PKD1L1: variants seen among roughly 807,000 people sequenced by gnomAD.
The protein encoded by PKD1L1 is polycystin-1-like protein 1.
In PKD1L1, 236 loss-of-function variants were observed where a neutral mutation model predicts 323.4. That is an observed-to-expected ratio of 0.73 (90% CI 0.66 to 0.81). PKD1L1 has a LOEUF of 0.81. Among genes scored for constraint, PKD1L1 ranks in the 40% least tolerant of loss-of-function variants. PKD1L1 has a pLI of 0.00. For synonymous variants in PKD1L1, 1,344 were observed against 1,335.0 expected, an observed-to-expected ratio of 1.01 and a Z score of -0.15; for missense variants, 3,320 against 3,508.0, an observed-to-expected ratio of 0.95 and a Z score of 1.35.
At chr7:47,834,920 A>G in intron 39 of PKD1L1, 47 bp downstream of exon 39, 1 of 1,542,178 alleles carries the variant, frequency 6.5e-7, no homozygotes, top group Non-Finnish European at 8.9e-7. Context: ...TTGGTGCAAA[A>G]GGCTCAGCCC....
chr7:47,875,563 T>C (rs958583508), intron 23 of PKD1L1, among the ~76,000 whole-genome samples: 1 of 152,244 alleles, frequency 6.6e-6, no homozygotes, highest in Non-Finnish European at 1.5e-5. Context: ...TGCATGTCTC[T>C]TATGCTCAGT....
chr7:47,775,732 C>T (rs1174119250), intron 56 of PKD1L1, among the ~76,000 whole-genome samples: 2 of 147,434 alleles, frequency 1.4e-5, no homozygotes, highest in Non-Finnish European at 3.0e-5. Context: ...AAAAGAAAAA[C>T]AACTTAAACT....
At chr7:47,785,296 C>A (rs4724642) in intron 56 of PKD1L1, among the ~76,000 whole-genome samples, 1 of 151,956 alleles carries the variant, frequency 6.6e-6, no homozygotes, top group Non-Finnish European at 1.5e-5. Context: ...GAGATTTGTA[C>A]TTTCCAAGTT....
intron 55 of PKD1L1, among the ~76,000 whole-genome samples, chr7:47,793,018 T>C (rs1786987039): frequency 6.8e-6 from 1 of 147,126 alleles, no homozygotes; most frequent in African/African-American, 2.5e-5. Flanking sequence ...CAGATATACA[T>C]GTAAATGCTA....
rs145728644 is a variant in PKD1L1, at chr7:47,885,402, C to T, written c.3205+284G>A. Among the ~76,000 whole-genome samples, 728 of 152,222 alleles carry T rather than the reference C, an allele frequency of 4.8e-3. 3 individuals are homozygous for T. The highest frequency in any genetic ancestry group is 0.015 in the African/African-American group (641 of 41,516). On this transcript the variant is annotated intron_variant, in intron 18 of 56. Coordinates refer to ENST00000289672, the MANE Select transcript of PKD1L1 (RefSeq NM_138295.5). ...GGGCAGGGGAGAAGGATTAGGAAGC[C>T]GGTGTGGAGTAAACAACTACTGTAG... is the stretch of plus-strand genomic sequence containing the variant.
intron 26 of PKD1L1, among the ~76,000 whole-genome samples, chr7:47,862,705 C>T (rs1546739): frequency 0.97 from 148,239 of 152,276 alleles, 72,262 homozygotes; most frequent in East Asian, 1. Context: ...CAATGAAGGG[C>T]CAGCTATTTG....
At chr7:47,868,830 A>T (rs1439748328) in intron 24 of PKD1L1, among the ~76,000 whole-genome samples, 4 of 152,148 alleles carry the variant, frequency 2.6e-5, no homozygotes, top group African/African-American at 9.7e-5. Context: ...AGCCGAGATC[A>T]CGGCACTGCA....
chr7:47,849,173 C>T (rs866704935), intron 31 of PKD1L1, among the ~76,000 whole-genome samples: 1 of 152,186 alleles, frequency 6.6e-6, no homozygotes, highest in African/African-American at 2.4e-5. Flanking sequence ...GGATCCTCAT[C>T]TCTCATTTTA....
chr7:47,819,139 G>C (rs976625935), intron 46 of PKD1L1, among the ~76,000 whole-genome samples: 4 of 152,102 alleles, frequency 2.6e-5, no homozygotes, highest in African/African-American at 9.7e-5. Flanking sequence ...GGGGTGAGAC[G>C]GAGAGGGTCC....
chr7:47,789,217 T>C (rs935152009), intron 56 of PKD1L1, among the ~76,000 whole-genome samples: 2 of 152,226 alleles, frequency 1.3e-5, no homozygotes, highest in African/African-American at 4.8e-5. Context: ...TGTGAAACCA[T>C]CTGGGACTGG....
Position 47,840,350 on chromosome 7 carries a change from A to G in PKD1L1, c.5552+111T>C. The G allele has an allele frequency of 1.4e-6, 1 of 692,520 alleles. No homozygotes were observed. The allele number at this position is 692,520 out of a possible 1,614,324, so 42.9% of individuals were successfully genotyped here. On this transcript the variant is annotated intron_variant, in intron 35 of 56. Transcript: ENST00000289672. This position sits in a 1 kb window ranked among gnomAD's most constrained non-coding sequence, Gnocchi z 4.1. Reference sequence around the variant, plus strand: ...ATTGTTTGTATATAAATCGATGCTCACTATTAGAGACCAATGTTATGTATT... The same window carrying G: ...ATTGTTTGTATATAAATCGATGCTCGCTATTAGAGACCAATGTTATGTATT...
Position 47,774,988 on chromosome 7 carries a change from T to C in PKD1L1, c.*155A>G. The C allele has an allele frequency of 1.4e-6, 1 of 739,162 alleles. No homozygotes were observed. The highest frequency in any genetic ancestry group is 2.3e-6 in the Non-Finnish European group (1 of 430,006). 45.8% of individuals were successfully genotyped at this position (739,162 alleles called of 1,614,324 possible). On this transcript the variant is annotated 3_prime_UTR_variant, in exon 57 of 57. Coordinates refer to ENST00000289672, the MANE Select transcript of PKD1L1 (RefSeq NM_138295.5). ...GATAAACCTTGATTTTCATCCTGGTTTCCCATTTACTTGTTACGTGAACTG... is the reference window on the plus strand; with the variant it reads ...GATAAACCTTGATTTTCATCCTGGTCTCCCATTTACTTGTTACGTGAACTG...
chr7:47,881,204 T>A (rs1786546603), intron 20 of PKD1L1, among the ~76,000 whole-genome samples: 1 of 152,132 alleles, frequency 6.6e-6, no homozygotes, highest in Non-Finnish European at 1.5e-5. Context: ...TTATGGACAA[T>A]TTTTAACCTG....
At position 47,839,503 on chromosome 7, in the gene PKD1L1, A is replaced by G. The variant is rs571253491; in HGVS notation, c.5712T>C (p.His1904=). 4 of 1,612,304 alleles carry G rather than the reference A, an allele frequency of 2.5e-6. No homozygotes were observed. Among genetic ancestry groups the G allele is most frequent in the Non-Finnish European group, 3.4e-6 (4 of 1,179,726 alleles). ...TGAGCTCCCGCTCCACGCGACCATC[A>G]TGCCTGCCGGCAGACAGCCAGCACT... ...PAQCWLSAGR[H]DGRVERELTC... The change falls in exon 36 of 57, where the codon CAT becomes CAC. Residue 1904 remains histidine (H), a synonymous_variant. Transcript: ENST00000289672. The surrounding 1 kb of genome is among the most constrained non-coding windows in gnomAD (Gnocchi z 4.3).
chr7:47,944,794 G>T (rs1216941080), intron 1 of PKD1L1, among the ~76,000 whole-genome samples: 1 of 152,204 alleles, frequency 6.6e-6, no homozygotes, highest in Non-Finnish European at 1.5e-5. Flanking sequence ...CTTTCAGCCT[G>T]TAGCTCCTTG....
At chr7:47,953,578 T>C in the PKD1L1 span, among the ~76,000 whole-genome samples, 3 of 152,218 alleles carry the variant, frequency 2.0e-5, no homozygotes, top group Non-Finnish European at 4.4e-5. Flanking sequence ...ACCTGTCCAG[T>C]GTGAAGGGAG....
chr7:47,879,054 C>T (rs975280419), intron 21 of PKD1L1, among the ~76,000 whole-genome samples: 2 of 152,216 alleles, frequency 1.3e-5, no homozygotes, highest in African/African-American at 4.8e-5. Context: ...TTTGTTGAAA[C>T]AAAAGCAAAC....
At position 47,802,307 on chromosome 7, in the gene PKD1L1, C is replaced by T. The variant is rs117505805; in HGVS notation, c.7962+903G>A. ...AATCTCAAAGGCCAGTAGTAACCTTCGGGGCAAATGTCGTTAATGCTTTTT... is the reference window on the plus strand; with the variant it reads ...AATCTCAAAGGCCAGTAGTAACCTTTGGGGCAAATGTCGTTAATGCTTTTT... On this transcript the variant is annotated intron_variant, in intron 53 of 56. Coordinates refer to ENST00000289672, the MANE Select transcript of PKD1L1 (RefSeq NM_138295.5). 1.1e-3 allele frequency among the ~76,000 whole-genome samples: 170 copies of T among 152,062 alleles called. 2 individuals are homozygous for T. In the East Asian group the frequency reaches 0.014, roughly 12 times the overall value.
intron 17 of PKD1L1, 93 bp downstream of exon 17, chr7:47,887,897 C>T: frequency 7.9e-7 from 1 of 1,273,042 alleles, no homozygotes; most frequent in East Asian, 2.5e-5. Flanking sequence ...CACACTGGGT[C>T]ATACCAAATG....
Sources: gnomAD v4.1 joint callset for allele counts (sites outside exome capture counted in the v4.1 genomes callset) on GRCh38, gnomAD v4.1.1 for gene constraint, Gnocchi (gnomAD v3.1) non-coding constraint, MANE v1.5 for transcripts, NCBI Gene and HGNC (gene_info 2026-07-23, HGNC 2026-07-21) for gene names.